The following ASH1L variants were observed in gnomAD, a reference collection of about 807,000 sequenced individuals.
ASH1L encodes histone-lysine N-methyltransferase ASH1L.
Under a neutral mutation model 269.0 loss-of-function variants are expected in ASH1L, and 23 were observed. That is an observed-to-expected ratio of 0.09 (90% CI 0.06 to 0.12). The LOEUF (loss-of-function observed/expected upper bound fraction) is 0.12, where lower values mean the gene tolerates loss of function less well. ASH1L is among the 10% of genes least tolerant of loss of function. The probability of loss-of-function intolerance (pLI) is 1.00; values close to 1 mark genes in which losing one functional copy is unlikely to be tolerated. For synonymous variants in ASH1L, 1,187 were observed against 1,253.5 expected (o/e 0.95, Z 1.12); for missense variants, 2,912 against 3,567.8 (o/e 0.82, Z 4.68).
chr1:155,398,142 T>C (rs897368822), intron 6 of ASH1L, among the ~76,000 whole-genome samples: 3 of 152,198 alleles, frequency 2.0e-5, no homozygotes, highest in African/African-American at 7.2e-5. Context: ...GACTATAACA[T>C]AGATGTACTT....
At chr1:155,427,193 G>A (rs1384941931) in intron 5 of ASH1L, among the ~76,000 whole-genome samples, 1 of 149,104 alleles carries the variant, frequency 6.7e-6, no homozygotes, top group Non-Finnish European at 1.5e-5. Context: ...GGAGTGAAGT[G>A]GTCTGATCTC....
intron 5 of ASH1L, among the ~76,000 whole-genome samples, chr1:155,437,928 C>T (rs1223873156): frequency 6.6e-6 from 1 of 152,140 alleles, no homozygotes; most frequent in East Asian, 1.9e-4. Flanking sequence ...AATCTTGGCT[C>T]ACTGCAGCCT....
chr1:155,432,634 C>A (rs935191278), intron 5 of ASH1L, among the ~76,000 whole-genome samples: 1 of 152,194 alleles, frequency 6.6e-6, no homozygotes, highest in African/African-American at 2.4e-5. Flanking sequence ...TCTTTATAAT[C>A]TCTTCAAATC....
At chr1:155,467,759 T>A (rs1029428189) in intron 3 of ASH1L, among the ~76,000 whole-genome samples, 2 of 152,138 alleles carry the variant, frequency 1.3e-5, no homozygotes, top group African/African-American at 4.8e-5. Flanking sequence ...AGGAATCCAC[T>A]CAATACAAAT....
chr1:155,507,298 C>G (rs1397392334), intron 2 of ASH1L, among the ~76,000 whole-genome samples: 2 of 151,368 alleles, frequency 1.3e-5, no homozygotes, highest in Non-Finnish European at 2.9e-5. Flanking sequence ...AAAAAAAACG[C>G]TTCACTGAAA....
intron 7 of ASH1L, 105 bp from the exon 8 acceptor site, chr1:155,380,221 G>T: frequency 5.2e-6 from 4 of 770,970 alleles, no homozygotes; most frequent in South Asian, 2.0e-5. Flanking sequence ...AAAAAATAAA[G>T]ATTTAATTCT....
rs1017052913 is a variant in ASH1L at position 155,434,220 on chromosome 1, C to A, written c.5828+4107G>T. The A allele has an allele frequency of 1.5e-5, 24 of 1,599,194 alleles. No individual in the cohort carries two copies. The African/African-American group carries it at 3.1e-4, about 21-fold the overall frequency. On this transcript the variant is annotated intron_variant, in intron 5 of 27. Coordinates refer to ENST00000392403, the MANE Select transcript of ASH1L (RefSeq NM_018489.3). ...TTCCCTGAGGGGGAAGCCTTTCCCC[C>A]GTCTCCGTCACCACCCTGGGCTCTC... is the stretch of plus-strand genomic sequence containing the variant.
At chr1:155,532,554 G>C (rs911497313) in intron 1 of ASH1L, among the ~76,000 whole-genome samples, 4 of 152,104 alleles carry the variant, frequency 2.6e-5, no homozygotes, top group African/African-American at 9.7e-5. Flanking sequence ...GGGCGTGGTT[G>C]CTCATGCCTA....
chr1:155,412,925 G>A (rs1243528274), intron 6 of ASH1L, among the ~76,000 whole-genome samples: 1 of 151,262 alleles, frequency 6.6e-6, no homozygotes, highest in Admixed American at 6.6e-5. Context: ...TGAAAAAAAT[G>A]GTTTTTTTTA....
At chr1:155,461,367 T>C (rs1664287903) in intron 3 of ASH1L, among the ~76,000 whole-genome samples, 1 of 143,972 alleles carries the variant, frequency 6.9e-6, no homozygotes, top group Non-Finnish European at 1.5e-5. Flanking sequence ...TATGCTGTCA[T>C]TCAAGAGTAA....
At chr1:155,556,337 A>G (rs1382105251) in intron 1 of ASH1L, among the ~76,000 whole-genome samples, 1 of 152,146 alleles carries the variant, frequency 6.6e-6, no homozygotes, top group East Asian at 1.9e-4. Flanking sequence ...ATTCAAGTTC[A>G]GTCTGGGCAA....
intron 1 of ASH1L, among the ~76,000 whole-genome samples, chr1:155,531,206 A>G (rs1571080898): frequency 6.6e-6 from 1 of 152,164 alleles, no homozygotes; most frequent in Non-Finnish European, 1.5e-5. Flanking sequence ...AATTTGGAAA[A>G]AAAAAAAAAG....
At chr1:155,423,915 C>A (rs895816975) in intron 5 of ASH1L, among the ~76,000 whole-genome samples, 7 of 152,040 alleles carry the variant, frequency 4.6e-5, no homozygotes, top group Admixed American at 2.6e-4. Flanking sequence ...TTAGTAGAGA[C>A]AGGGTTTCAC....
At chr1:155,549,403 C>T (rs1251572947) in intron 1 of ASH1L, among the ~76,000 whole-genome samples, 2 of 152,122 alleles carry the variant, frequency 1.3e-5, no homozygotes, top group African/African-American at 4.8e-5. Context: ...TTTGGGAGTC[C>T]AAGGCGGGTG....
At chr1:155,399,626 G>T (rs1459482279) in intron 6 of ASH1L, among the ~76,000 whole-genome samples, 1 of 151,922 alleles carries the variant, frequency 6.6e-6, no homozygotes, top group Non-Finnish European at 1.5e-5. Flanking sequence ...GTGATAAAGT[G>T]AGGCTGTCCC....
intron 4 of ASH1L, among the ~76,000 whole-genome samples, chr1:155,456,712 T>A (rs973248639): frequency 6.6e-6 from 1 of 152,200 alleles, no homozygotes; most frequent in Admixed American, 6.5e-5. Context: ...TATCTCTACC[T>A]AAATAGGCCA....
At chr1:155,534,947 T>C (rs1571092408) in intron 1 of ASH1L, among the ~76,000 whole-genome samples, 1 of 152,230 alleles carries the variant, frequency 6.6e-6, no homozygotes, top group Admixed American at 6.5e-5. Flanking sequence ...CTCAGCACTT[T>C]GGCAGGCCAA....
At chr1:155,463,630 A>C (rs1664463065) in intron 3 of ASH1L, among the ~76,000 whole-genome samples, 1 of 149,082 alleles carries the variant, frequency 6.7e-6, no homozygotes, top group Non-Finnish European at 1.5e-5. Flanking sequence ...CAGTCTCTAC[A>C]AAAAAAAATA....
At chr1:155,388,942 C>T (rs1657673061) in intron 7 of ASH1L, among the ~76,000 whole-genome samples, 1 of 151,048 alleles carries the variant, frequency 6.6e-6, no homozygotes, top group African/African-American at 2.4e-5. Context: ...CTCCTGGCCT[C>T]AAGCGATCTT....
Sources: allele counts gnomAD v4.1 joint callset (sites outside exome capture counted in the v4.1 genomes callset), GRCh38; gene constraint gnomAD v4.1.1; transcripts MANE v1.5; gene names NCBI Gene and HGNC (gene_info 2026-07-23, HGNC 2026-07-21).